The following PPIL4 variants were observed in gnomAD, a reference collection of about 807,000 sequenced individuals.
PPIL4 encodes peptidylprolyl isomerase like 4, also known as peptidyl-prolyl cis-trans isomerase-like 4.
In PPIL4, 50 loss-of-function variants were observed where a neutral mutation model predicts 69.1. That is an observed-to-expected ratio of 0.72 (90% confidence interval 0.58 to 0.92). PPIL4 has a LOEUF of 0.92. PPIL4 is among the 40% of genes least tolerant of loss of function. The probability of loss-of-function intolerance (pLI) is 0.00; values close to 1 mark genes in which losing one functional copy is unlikely to be tolerated. For synonymous variants in PPIL4, 193 were observed against 191.6 expected, an observed-to-expected ratio of 1.01 and a Z score of -0.06; for missense variants, 480 against 587.9, an observed-to-expected ratio of 0.82 and a Z score of 1.90.
At chr6:149,534,895 A>T (rs1055230317) in intron 5 of PPIL4, 121 bp from the exon 6 acceptor site, 1 of 571,876 alleles carries the variant, frequency 1.7e-6, no homozygotes, top group Non-Finnish European at 3.0e-6. Flanking sequence ...CCCATATTGC[A>T]TATGGATATT....
chr6:149,525,533 C>T (rs1777093415), intron 8 of PPIL4, among the ~76,000 whole-genome samples: 1 of 152,170 alleles, frequency 6.6e-6, no homozygotes, highest in Non-Finnish European at 1.5e-5. Flanking sequence ...AATCACAACA[C>T]TTTTCTAGTC....
At position 149,517,445 on chromosome 6, in the gene PPIL4, T is replaced by G. The variant is rs768795658; in HGVS notation, c.988A>C (p.Lys330Gln). The stretch of plus-strand genomic sequence containing the variant: ...TCCTTGAAATCACTCTTGGTGTATT[T>G]CCCACCTATTTATTAAGAAAAGAAA... ...AKVKWKGKGG[K>Q]YTKSDFKEYE... Residue 330 changes from lysine to glutamine, a missense_variant, in exon 11 of 13, where the codon AAA becomes CAA. Physicochemically the swap from Lys to Gln is moderately conservative, Grantham distance 53. Transcript: ENST00000253329. The G allele has an allele frequency of 1.3e-6, 2 of 1,522,096 alleles. No homozygotes were observed. Among genetic ancestry groups the G allele is most frequent in the Non-Finnish European group, 1.8e-6 (2 of 1,123,506 alleles). The allele number at this position is 1,522,096 out of a possible 1,614,324, so 94.3% of individuals were successfully genotyped here.
chr6:149,531,460 T>C (rs913626129), intron 7 of PPIL4, among the ~76,000 whole-genome samples: 2 of 146,688 alleles, frequency 1.4e-5, no homozygotes, highest in African/African-American at 5.1e-5. Flanking sequence ...CGCTTGAACC[T>C]GGGAGGTGGA....
chr6:149,533,248 TA>T (rs1777225703), intron 7 of PPIL4, among the ~76,000 whole-genome samples: 1 of 152,320 alleles, frequency 6.6e-6, no homozygotes, highest in East Asian at 1.9e-4. Context: ...TCCCACTGTT[TA>T]AAAAGGCACT....
At chr6:149,528,050 G>C (rs757227036) in intron 7 of PPIL4, among the ~76,000 whole-genome samples, 8 of 152,186 alleles carry the variant, frequency 5.3e-5, no homozygotes, top group Non-Finnish European at 8.8e-5. Flanking sequence ...GAAGCCAGGA[G>C]TTTGAGACCA....
intron 10 of PPIL4, among the ~76,000 whole-genome samples, chr6:149,520,846 C>CT (rs1777019487): frequency 6.6e-6 from 1 of 152,066 alleles, no homozygotes; most frequent in South Asian, 2.1e-4. Flanking sequence ...AACCCCATCT[C>CT]TACTAAAAAT....
At chr6:149,523,025 C>T (rs899544396) in intron 9 of PPIL4, among the ~76,000 whole-genome samples, 1 of 152,162 alleles carries the variant, frequency 6.6e-6, no homozygotes, top group African/African-American at 2.4e-5. Context: ...GAAACAATTT[C>T]ACAACAAAGC....
intron 9 of PPIL4, among the ~76,000 whole-genome samples, chr6:149,524,399 A>C (rs1777075836): frequency 1.3e-5 from 2 of 152,228 alleles, no homozygotes; most frequent in Non-Finnish European, 2.9e-5. Flanking sequence ...TCTAATACCC[A>C]AGTTTTATTT....
Position 149,545,953 on chromosome 6 carries a change from G to A in PPIL4, c.53C>T (p.Thr18Ile). Residue 18 changes from threonine (T) to isoleucine (I), a missense_variant, in exon 1 of 13, where the codon ACC becomes ATC. Physicochemically the swap from Thr to Ile is moderately conservative, Grantham distance 89 (BLOSUM62 -1). Coordinates refer to ENST00000253329, the MANE Select transcript of PPIL4 (RefSeq NM_139126.4). ...AGCCTCACCACGCGGCCGTTCTTCGGTGTACAAGTCGATGACGACGTCGCC... is the reference window on the plus strand; with the variant it reads ...AGCCTCACCACGCGGCCGTTCTTCGATGTACAAGTCGATGACGACGTCGCC... ...TLGDVVIDLY[T>I]EERPRACLNF... 1 of 1,590,516 alleles carries A rather than the reference G, an allele frequency of 6.3e-7. No individual in the cohort carries two copies. Among genetic ancestry groups the A allele is most frequent in the Middle Eastern group, 1.7e-4 (1 of 6,026 alleles).
intron 7 of PPIL4, among the ~76,000 whole-genome samples, chr6:149,532,312 A>G (rs922013304): frequency 2.0e-5 from 3 of 152,242 alleles, no homozygotes; most frequent in African/African-American, 4.8e-5. Context: ...AAAGTATGTT[A>G]ATCTATTTTC....
At chr6:149,516,197 T>C (rs1311056761) in intron 11 of PPIL4, among the ~76,000 whole-genome samples, 1 of 152,238 alleles carries the variant, frequency 6.6e-6, no homozygotes, top group Non-Finnish European at 1.5e-5. Flanking sequence ...ATCAAATGTA[T>C]TCCATTCATA....
intron 7 of PPIL4, among the ~76,000 whole-genome samples, chr6:149,531,289 C>T (rs536057611): frequency 1.0e-4 from 15 of 149,234 alleles, no homozygotes; most frequent in South Asian, 8.5e-4. Flanking sequence ...CGCTTGAACC[C>T]GGGAGGCAGA....
intron 6 of PPIL4, 28 bp downstream of exon 6, chr6:149,534,650 C>T: frequency 9.2e-7 from 1 of 1,092,718 alleles, no homozygotes. Flanking sequence ...TATGAATGTA[C>T]ATTTAATCAT....
At chr6:149,535,281 G>A (rs563975503) in intron 5 of PPIL4, among the ~76,000 whole-genome samples, 16 of 152,260 alleles carry the variant, frequency 1.1e-4, no homozygotes, top group Admixed American at 7.2e-4. Context: ...GTGTGAACCC[G>A]GGAGACAGAG....
At chr6:149,545,018 A>G (rs1777417669) in intron 1 of PPIL4, among the ~76,000 whole-genome samples, 1 of 152,092 alleles carries the variant, frequency 6.6e-6, no homozygotes, top group African/African-American at 2.4e-5. Context: ...CCATGCCTCA[A>G]TCCTGCTTTT....
chr6:149,536,738 CA>C (rs750303522), intron 4 of PPIL4, among the ~76,000 whole-genome samples: 320 of 102,278 alleles, frequency 3.1e-3, no homozygotes, highest in Middle Eastern at 0.011. Flanking sequence ...TACTCCATCT[CA>C]AAAAAAAAAA....
chr6:149,516,803 C>A (rs562937985), intron 11 of PPIL4, among the ~76,000 whole-genome samples: 1 of 151,992 alleles, frequency 6.6e-6, no homozygotes, highest in Non-Finnish European at 1.5e-5. Context: ...AAAGAAGTAA[C>A]CTAACATTGT....
At chr6:149,531,963 C>T (rs990849249) in intron 7 of PPIL4, among the ~76,000 whole-genome samples, 1 of 152,144 alleles carries the variant, frequency 6.6e-6, no homozygotes. Flanking sequence ...CCACTGTGCC[C>T]GGCCCTATAA....
intron 12 of PPIL4, among the ~76,000 whole-genome samples, chr6:149,511,912 C>T (rs1232025336): frequency 6.6e-6 from 1 of 152,178 alleles, no homozygotes; most frequent in African/African-American, 2.4e-5. Context: ...GGAAATCACT[C>T]TTGCTTCACA....
Sources: gnomAD v4.1 joint callset for allele counts (sites outside exome capture counted in the v4.1 genomes callset) on GRCh38, gnomAD v4.1.1 for gene constraint, MANE v1.5 for transcripts, NCBI Gene and HGNC (gene_info 2026-07-23, HGNC 2026-07-21) for gene names.